Variants in MYO9A observed in about 807,000 individuals in gnomAD.
MYO9A encodes unconventional myosin-IXa.
In MYO9A, 103 loss-of-function variants were observed where a neutral mutation model predicts 293.3. The observed-to-expected ratio is 0.35, with a 90% CI of 0.30 to 0.41. MYO9A has a LOEUF of 0.41. Ranked by LOEUF, MYO9A falls within the 10% of genes least tolerant of loss-of-function variation. MYO9A has a pLI of 1.00. For synonymous variants in MYO9A, 1,001 were observed against 1,035.7 expected (o/e 0.97, Z 0.64); for missense variants, 2,685 against 3,033.0 (o/e 0.89, Z 2.69).
intron 11 of MYO9A, among the ~76,000 whole-genome samples, chr15:71,984,703 A>G (rs1271601189): frequency 6.6e-6 from 1 of 152,204 alleles, no homozygotes; most frequent in Non-Finnish European, 1.5e-5. Context: ...GTATCTTACT[A>G]TTAAAAACCA....
At chr15:71,960,886 T>C (rs1307547736) in intron 13 of MYO9A, among the ~76,000 whole-genome samples, 1 of 152,126 alleles carries the variant, frequency 6.6e-6, no homozygotes, top group Non-Finnish European at 1.5e-5. Flanking sequence ...CTATAGATGA[T>C]GATAAGCTGG....
At chr15:71,864,623 T>C (rs936931762) in intron 32 of MYO9A, among the ~76,000 whole-genome samples, 7 of 152,160 alleles carry the variant, frequency 4.6e-5, no homozygotes, top group African/African-American at 1.7e-4. Flanking sequence ...ACGTGACATA[T>C]CCATGCAATG....
chr15:72,014,413 C>T (rs769698713), intron 6 of MYO9A, among the ~76,000 whole-genome samples: 37 of 152,332 alleles, frequency 2.4e-4, no homozygotes, highest in Middle Eastern at 3.4e-3. Flanking sequence ...TGGCCAGGCA[C>T]GGTGGCTCAT....
intron 1 of MYO9A, among the ~76,000 whole-genome samples, chr15:72,106,042 T>C (rs1234996960): frequency 6.6e-6 from 1 of 152,184 alleles, no homozygotes; most frequent in Non-Finnish European, 1.5e-5. Flanking sequence ...ACAGAATACA[T>C]GGTATGCTAC....
rs11397735 is a variant in MYO9A, at chr15:72,047,774, C to CTTTTTTTTTTTTT, written c.-71-1153_-71-1141dup. ...AAGAAGAAATACTTTCAGTTACTTC[C>CTTTTTTTTTTTTT]TTTTTTTTTTTTTTTTTTTTTGAGA... is the stretch of plus-strand genomic sequence containing the variant. On this transcript the variant is annotated intron_variant, in intron 1 of 41. Coordinates refer to ENST00000356056, the MANE Select transcript of MYO9A (RefSeq NM_006901.4). Among the ~76,000 whole-genome samples, 12 of 74,394 alleles carry CTTTTTTTTTTTTT rather than the reference C, an allele frequency of 1.6e-4. 2 individuals are homozygous for CTTTTTTTTTTTTT. The highest frequency in any genetic ancestry group is 4.9e-4 in the East Asian group (1 of 2,050). 48.8% of individuals were successfully genotyped at this position (74,394 alleles called of 152,430 possible).
At chr15:72,116,383 ATTTC>A (rs1052857508) in intron 1 of MYO9A, among the ~76,000 whole-genome samples, 9 of 152,270 alleles carry the variant, frequency 5.9e-5, no homozygotes, top group Admixed American at 5.9e-4. Flanking sequence ...GCAACATTAC[ATTTC>A]TTTCTTGACA....
intron 18 of MYO9A, 71 bp downstream of exon 18, chr15:71,933,599 A>C (rs1055961255): frequency 2.2e-6 from 3 of 1,343,814 alleles, no homozygotes; most frequent in Admixed American, 1.9e-5. Flanking sequence ...TGATGTATGA[A>C]GATTGTATGA....
At chr15:71,908,250 G>A (rs1028527683) in intron 19 of MYO9A, among the ~76,000 whole-genome samples, 5 of 152,198 alleles carry the variant, frequency 3.3e-5, no homozygotes, top group African/African-American at 1.2e-4. Flanking sequence ...AGATCAGATA[G>A]TTGTAGATAT....
rs112372989 is a variant in MYO9A, at chr15:71,914,583, G to A, written c.2685+1787C>T. ...ACAACACCTATTAGACAATGCATACGTGTAAATTTTTGGCAAAGGGCCTGG... is the reference window on the plus strand; with the variant it reads ...ACAACACCTATTAGACAATGCATACATGTAAATTTTTGGCAAAGGGCCTGG... On this transcript the variant is annotated intron_variant, in intron 19 of 41. Coordinates refer to ENST00000356056, the MANE Select transcript of MYO9A (RefSeq NM_006901.4). 5.7e-3 allele frequency among the ~76,000 whole-genome samples: 870 copies of A among 152,156 alleles called. 10 individuals carry two copies. The highest frequency in any genetic ancestry group is 0.019 in the African/African-American group (808 of 41,516).
At chr15:72,039,247 A>G (rs1267940175) in intron 2 of MYO9A, among the ~76,000 whole-genome samples, 5 of 152,156 alleles carry the variant, frequency 3.3e-5, no homozygotes, top group African/African-American at 1.2e-4. Context: ...TGAGTAGCAA[A>G]TTAATTTCAA....
chr15:71,863,469 T>C (rs915554976), intron 32 of MYO9A, among the ~76,000 whole-genome samples: 13 of 151,452 alleles, frequency 8.6e-5, no homozygotes, highest in Admixed American at 7.9e-4. Flanking sequence ...CAAAAAAAAA[T>C]AGTGGCAAAA....
chr15:72,021,332 G>A (rs915914046), intron 4 of MYO9A, among the ~76,000 whole-genome samples: 1 of 152,066 alleles, frequency 6.6e-6, no homozygotes, highest in Non-Finnish European at 1.5e-5. Flanking sequence ...GAAACTAATC[G>A]AAAGCTTGCA....
chr15:71,850,704 T>G (rs1355363755), intron 37 of MYO9A, among the ~76,000 whole-genome samples: 3 of 132,406 alleles, frequency 2.3e-5, no homozygotes, highest in Middle Eastern at 4.8e-3. Context: ...AGGCGGAGGT[T>G]GCAGTGAGCT....
chr15:72,071,246 G>T (rs550841411), intron 1 of MYO9A, among the ~76,000 whole-genome samples: 2 of 151,904 alleles, frequency 1.3e-5, no homozygotes, highest in Non-Finnish European at 2.9e-5. Context: ...GGACAGGAAC[G>T]GCACTTCTCA....
chr15:72,060,963 G>T (rs1007056183), intron 1 of MYO9A, among the ~76,000 whole-genome samples: 4 of 152,128 alleles, frequency 2.6e-5, no homozygotes, highest in Non-Finnish European at 5.9e-5. Context: ...GAGTCACGTT[G>T]TCTTACAACT....
intron 35 of MYO9A, among the ~76,000 whole-genome samples, chr15:71,853,592 A>G (rs2055745441): frequency 6.6e-6 from 1 of 152,224 alleles, no homozygotes; most frequent in African/African-American, 2.4e-5. Context: ...CATAAGAAAC[A>G]GCACTGAACA....
At chr15:72,022,249 T>A (rs1369801258) in intron 4 of MYO9A, among the ~76,000 whole-genome samples, 3 of 152,120 alleles carry the variant, frequency 2.0e-5, no homozygotes, top group African/African-American at 7.2e-5. Context: ...TGGCCAGGCG[T>A]GGTGGCTCAC....
intron 39 of MYO9A, among the ~76,000 whole-genome samples, chr15:71,839,439 C>T (rs930248273): frequency 2.0e-5 from 3 of 151,854 alleles, no homozygotes; most frequent in African/African-American, 7.3e-5. Context: ...GATACAGGGT[C>T]TTACTCTTGC....
intron 1 of MYO9A, among the ~76,000 whole-genome samples, chr15:72,116,458 G>T (rs561640342): frequency 2.8e-4 from 42 of 152,300 alleles, no homozygotes; most frequent in Middle Eastern, 6.8e-3. Context: ...TGAGAAGGCT[G>T]TTGTTGGTAA....
Sources: gnomAD v4.1 joint callset for allele counts (sites outside exome capture counted in the v4.1 genomes callset) on GRCh38, gnomAD v4.1.1 for gene constraint, MANE v1.5 for transcripts, NCBI Gene and HGNC (gene_info 2026-07-23, HGNC 2026-07-21) for gene names.